Variants in RBMS1 observed in about 807,000 individuals in gnomAD.
RBMS1 encodes RNA-binding motif, single-stranded-interacting protein 1.
RBMS1 carries 17 observed loss-of-function variants against 62.3 expected under a neutral mutation model. The ratio of observed to expected loss-of-function variants is 0.27; its 90% CI spans 0.19 to 0.41. RBMS1 has a LOEUF of 0.41. Among genes scored for constraint, RBMS1 ranks in the 10% least tolerant of loss-of-function variants. The pLI is 1.00. For synonymous variants in RBMS1, 172 were observed against 170.0 expected, an observed-to-expected ratio of 1.01 and a Z score of -0.09; for missense variants, 334 against 504.5, an observed-to-expected ratio of 0.66 and a Z score of 3.24.
intron 2 of RBMS1, among the ~76,000 whole-genome samples, chr2:160,328,903 T>A (rs867605742): frequency 2.0e-5 from 3 of 152,160 alleles, no homozygotes; most frequent in East Asian, 3.8e-4. Flanking sequence ...AATGACTGCT[T>A]CATTCAAAAC....
intron 1 of RBMS1, among the ~76,000 whole-genome samples, chr2:160,407,073 TCAGA>T (rs780265155): frequency 1.9e-4 from 29 of 152,028 alleles, no homozygotes; most frequent in Non-Finnish European, 4.1e-4. Context: ...TTCCTACGAA[TCAGA>T]CAGGTTCTCT....
chr2:160,386,388 T>C (rs748989059), intron 1 of RBMS1, among the ~76,000 whole-genome samples: 13 of 152,012 alleles, frequency 8.6e-5, no homozygotes, highest in Admixed American at 8.5e-4. Context: ...ATACAAAACT[T>C]AGCCAGGCAT....
At chr2:160,296,761 C>G (rs1217982564) in intron 6 of RBMS1, among the ~76,000 whole-genome samples, 1 of 152,116 alleles carries the variant, frequency 6.6e-6, no homozygotes, top group Non-Finnish European at 1.5e-5. Flanking sequence ...CTATTAACTT[C>G]AGTGTGTACA....
intron 1 of RBMS1, among the ~76,000 whole-genome samples, chr2:160,479,986 C>T: frequency 6.6e-6 from 1 of 151,822 alleles, no homozygotes; most frequent in South Asian, 2.1e-4. Context: ...GAAAAAAATA[C>T]ATATATATAT....
At position 160,303,152 on chromosome 2, in the gene RBMS1, T is replaced by C. The variant is rs114257701; in HGVS notation, c.560+178A>G. On this transcript the variant is annotated intron_variant, in intron 5 of 13. Coordinates refer to ENST00000348849, the MANE Select transcript of RBMS1 (RefSeq NM_016836.4). ...GTGTGCTCAGCTTCATGAATTCTAA[T>C]GAACTTGCAAAAGATCTGGAAAAAT... 8.0e-3 allele frequency among the ~76,000 whole-genome samples: 1,212 copies of C among 152,338 alleles called. 20 individuals carry two copies. The highest frequency in any genetic ancestry group is 0.026 in the African/African-American group (1,093 of 41,572).
At chr2:160,374,474 T>C (rs1693889388) in intron 1 of RBMS1, among the ~76,000 whole-genome samples, 1 of 152,032 alleles carries the variant, frequency 6.6e-6, no homozygotes, top group Admixed American at 6.5e-5. Flanking sequence ...AGGAAGAACC[T>C]AAAAAGCAAG....
At chr2:160,452,382 T>C (rs553118547) in intron 1 of RBMS1, among the ~76,000 whole-genome samples, 1 of 152,336 alleles carries the variant, frequency 6.6e-6, no homozygotes, top group Admixed American at 6.5e-5. Flanking sequence ...AAGTTCCTTA[T>C]ATAAAATGAC....
intron 1 of RBMS1, among the ~76,000 whole-genome samples, chr2:160,453,293 A>T (rs1035613051): frequency 6.6e-6 from 1 of 152,152 alleles, no homozygotes; most frequent in African/African-American, 2.4e-5. Context: ...CCTGTAAAAA[A>T]GAAATAAACT....
chr2:160,406,971 CT>C (rs1008796906), intron 1 of RBMS1, among the ~76,000 whole-genome samples: 35 of 151,502 alleles, frequency 2.3e-4, no homozygotes, highest in African/African-American at 8.2e-4. Flanking sequence ...GTTTCTTTCT[CT>C]TTTTTTTTCT....
chr2:160,331,081 C>CCACAGGTT (rs1691241083), intron 2 of RBMS1, among the ~76,000 whole-genome samples: 2 of 152,234 alleles, frequency 1.3e-5, no homozygotes, highest in South Asian at 4.1e-4. Context: ...GCATGTTCCC[C>CCACAGGTT]CACAGGTTTC....
intron 1 of RBMS1, chr2:160,407,542 C>A: frequency 1.3e-5 from 13 of 984,874 alleles, no homozygotes; most frequent in Non-Finnish European, 1.6e-5. Context: ...TCGCTGCGGG[C>A]GGCGGCGGCG....
intron 6 of RBMS1, among the ~76,000 whole-genome samples, chr2:160,292,713 G>A (rs1190630614): frequency 1.3e-5 from 2 of 152,226 alleles, no homozygotes; most frequent in Non-Finnish European, 2.9e-5. Flanking sequence ...ACCTGATCGT[G>A]AAAGGGTGTA....
At chr2:160,330,543 TA>T (rs1486956868) in intron 2 of RBMS1, among the ~76,000 whole-genome samples, 1 of 151,864 alleles carries the variant, frequency 6.6e-6, no homozygotes, top group Non-Finnish European at 1.5e-5. Flanking sequence ...AAATAGGTCT[TA>T]TACATAAGTT....
At chr2:160,334,292 T>G (rs1691444652) in intron 2 of RBMS1, among the ~76,000 whole-genome samples, 1 of 152,170 alleles carries the variant, frequency 6.6e-6, no homozygotes, top group Non-Finnish European at 1.5e-5. Flanking sequence ...TCTAATGAGT[T>G]TAGCAATGAA....
intron 1 of RBMS1, among the ~76,000 whole-genome samples, chr2:160,395,339 T>C (rs987387777): frequency 2.6e-5 from 4 of 152,252 alleles, no homozygotes; most frequent in South Asian, 2.1e-4. Context: ...AATCAGATGC[T>C]GAAGGCCGGG....
intron 1 of RBMS1, among the ~76,000 whole-genome samples, chr2:160,408,168 T>C (rs955252886): frequency 3.2e-4 from 49 of 151,822 alleles, no homozygotes; most frequent in African/African-American, 1.2e-3. Context: ...CCCCCTCCTC[T>C]GTTCTTTTTC....
At chr2:160,389,236 G>C (rs925876556) in intron 1 of RBMS1, among the ~76,000 whole-genome samples, 1 of 152,154 alleles carries the variant, frequency 6.6e-6, no homozygotes, top group Admixed American at 6.5e-5. Context: ...ATGTGATGAG[G>C]AAACACAATT....
intron 1 of RBMS1, among the ~76,000 whole-genome samples, chr2:160,385,631 G>A (rs1380034209): frequency 1.3e-5 from 2 of 152,184 alleles, no homozygotes; most frequent in African/African-American, 4.8e-5. Flanking sequence ...AGGATGTGAC[G>A]TGATGAAATG....
intron 2 of RBMS1, among the ~76,000 whole-genome samples, chr2:160,357,412 C>T (rs188746420): frequency 2.0e-4 from 30 of 152,054 alleles, no homozygotes; most frequent in Non-Finnish European, 3.1e-4. Flanking sequence ...CTGACAATAA[C>T]GAAGATTGGC....
Sources: gnomAD v4.1 joint callset for allele counts (sites outside exome capture counted in the v4.1 genomes callset) on GRCh38, gnomAD v4.1.1 for gene constraint, MANE v1.5 for transcripts, NCBI Gene and HGNC (gene_info 2026-07-23, HGNC 2026-07-21) for gene names.